The following HMBOX1 variants were observed in gnomAD, a reference collection of about 807,000 sequenced individuals.
HMBOX1 encodes homeobox containing 1.
Under a neutral mutation model 54.5 loss-of-function variants are expected in HMBOX1, and 14 were observed. That is an observed-to-expected ratio of 0.26 (90% confidence interval 0.17 to 0.40). HMBOX1 has a LOEUF of 0.40. Among genes scored for constraint, HMBOX1 ranks in the 10% least tolerant of loss-of-function variants. HMBOX1 has a pLI of 1.00. For missense variants in HMBOX1, 332 were observed against 514.4 expected, an observed-to-expected ratio of 0.65 and a Z score of 3.43; for synonymous variants, 160 against 181.0, an observed-to-expected ratio of 0.88 and a Z score of 0.93.
intron 1 of HMBOX1, among the ~76,000 whole-genome samples, chr8:28,944,221 C>G (rs952571555): frequency 6.6e-6 from 1 of 152,164 alleles, no homozygotes; most frequent in African/African-American, 2.4e-5. Context: ...TCATGAGATT[C>G]GAATACTGCA....
At chr8:29,039,801 T>C (rs1352088744) in intron 6 of HMBOX1, among the ~76,000 whole-genome samples, 1 of 152,166 alleles carries the variant, frequency 6.6e-6, no homozygotes, top group East Asian at 1.9e-4. Context: ...TAATGTAGTG[T>C]GGTCCTAGGG....
intron 6 of HMBOX1, 137 bp from the exon 7 acceptor site, chr8:29,045,224 G>C: frequency 1.4e-6 from 1 of 701,970 alleles, no homozygotes; most frequent in South Asian, 1.7e-5. Context: ...TACTCTCACA[G>C]AACATTCCAT....
chr8:28,960,394 G>C (rs1825245859), intron 1 of HMBOX1, among the ~76,000 whole-genome samples: 1 of 151,262 alleles, frequency 6.6e-6, no homozygotes, highest in Non-Finnish European at 1.5e-5. Context: ...TCCCTAGATT[G>C]TTTGGATTAT....
At chr8:28,908,441 A>G (rs1814751919) in intron 1 of HMBOX1, among the ~76,000 whole-genome samples, 1 of 152,200 alleles carries the variant, frequency 6.6e-6, no homozygotes, top group Non-Finnish European at 1.5e-5. Context: ...AAATGGAAAA[A>G]CAAATGAACA....
At chr8:28,897,653 G>A (rs529664378) in intron 1 of HMBOX1, among the ~76,000 whole-genome samples, 1 of 152,294 alleles carries the variant, frequency 6.6e-6, no homozygotes, top group South Asian at 2.1e-4. Context: ...ACCAGATTGG[G>A]CAACAGAGCG....
upstream of HMBOX1, chr8:28,890,240 T>G: frequency 5.1e-6 from 1 of 195,978 alleles, no homozygotes; most frequent in Non-Finnish European, 1.1e-5. Context: ...CGACTCCCCT[T>G]TCCCTCCTCC....
At position 28,947,949 on chromosome 8, in the gene HMBOX1, G is replaced by A. The variant is rs549527599; in HGVS notation, c.-57-15862G>A. On this transcript the variant is annotated intron_variant, in intron 1 of 9. Transcript: ENST00000287701. ...TTATTTATTTATTTATTTGAGACAG[G>A]GTCTTGCTCCTTTGCCCAGACTGGA... Among the ~76,000 whole-genome samples the A allele has an allele frequency of 4.9e-3, 743 of 151,956 alleles. 5 individuals carry two copies. The highest frequency in any genetic ancestry group is 7.7e-3 in the Non-Finnish European group (524 of 67,972).
intron 5 of HMBOX1, chr8:29,009,465 ATGTT>A (rs75066078): frequency 0.081 from 78,848 of 977,300 alleles, 3,713 homozygotes; most frequent in South Asian, 0.23. Flanking sequence ...AACGCTATGA[ATGTT>A]CAGTGGCTGA....
intron 1 of HMBOX1, among the ~76,000 whole-genome samples, chr8:28,913,407 C>T (rs1340903503): frequency 6.6e-6 from 1 of 152,158 alleles, no homozygotes; most frequent in Non-Finnish European, 1.5e-5. Context: ...GCTGTTCTCT[C>T]TAAGTAGGTG....
chr8:28,972,805 A>G (rs981136454), intron 3 of HMBOX1, among the ~76,000 whole-genome samples: 3 of 152,254 alleles, frequency 2.0e-5, no homozygotes, highest in African/African-American at 7.2e-5. Context: ...TTTTAATTCA[A>G]ATATATGCTC....
chr8:28,901,229 G>A (rs1478850489), intron 1 of HMBOX1, among the ~76,000 whole-genome samples: 1 of 151,720 alleles, frequency 6.6e-6, no homozygotes, highest in Admixed American at 6.6e-5. Flanking sequence ...ATCCCTTTCT[G>A]GCTAATTTAT....
At chr8:28,897,195 T>C (rs573638390) in intron 1 of HMBOX1, among the ~76,000 whole-genome samples, 1 of 152,030 alleles carries the variant, frequency 6.6e-6, no homozygotes, top group Non-Finnish European at 1.5e-5. Context: ...ATGTTGGTCA[T>C]GCTGGTCTCG....
intron 5 of HMBOX1, among the ~76,000 whole-genome samples, chr8:29,014,719 G>A (rs13439785): frequency 0.02 from 2,977 of 151,598 alleles, 95 homozygotes; most frequent in African/African-American, 0.069. Flanking sequence ...TCACTCTGTC[G>A]CCCAGGCTGG....
At position 28,963,833 on chromosome 8, in the gene HMBOX1, C is replaced by A; in HGVS notation, c.-35C>A. On this transcript the variant is annotated 5_prime_UTR_variant, in exon 2 of 10. Transcript: ENST00000287701. ...CAGAATGGTAGATAACGCAGATCAT[C>A]TCTGGAAAGGATATTGATCCGCCTC... 1.3e-6 allele frequency: 2 copies of A among 1,564,146 alleles called. No homozygotes were observed. Among genetic ancestry groups the A allele is most frequent in the Non-Finnish European group, 8.7e-7 (1 of 1,143,414 alleles).
At chr8:29,038,692 G>A (rs746286436) in intron 6 of HMBOX1, among the ~76,000 whole-genome samples, 5 of 152,024 alleles carry the variant, frequency 3.3e-5, no homozygotes, top group Non-Finnish European at 7.4e-5. Context: ...TCCTTTCTAT[G>A]TCCAGGCCTC....
At chr8:28,907,971 G>A (rs1015676837) in intron 1 of HMBOX1, among the ~76,000 whole-genome samples, 5 of 151,470 alleles carry the variant, frequency 3.3e-5, no homozygotes, top group Middle Eastern at 3.2e-3. Flanking sequence ...TTAGCCTCCC[G>A]ATTATCTGGG....
At chr8:29,034,219 A>AG in intron 6 of HMBOX1, among the ~76,000 whole-genome samples, 1 of 152,360 alleles carries the variant, frequency 6.6e-6, no homozygotes, top group Non-Finnish European at 1.5e-5. Flanking sequence ...GTTTAGTGGT[A>AG]GGAGGCATCT....
At chr8:28,960,705 C>G (rs180817928) in intron 1 of HMBOX1, among the ~76,000 whole-genome samples, 2 of 129,004 alleles carry the variant, frequency 1.6e-5, no homozygotes, top group East Asian at 4.6e-4. Context: ...ACTCTTATAT[C>G]TTGGTCATAA....
At chr8:29,036,494 AAAGG>A (rs1803898821) in intron 6 of HMBOX1, among the ~76,000 whole-genome samples, 2 of 152,126 alleles carry the variant, frequency 1.3e-5, no homozygotes, top group South Asian at 4.1e-4. Context: ...ACTCAGGAAA[AAAGG>A]AAGGTCAGTG....
Sources: gnomAD v4.1 joint callset for allele counts (sites outside exome capture counted in the v4.1 genomes callset) on GRCh38, gnomAD v4.1.1 for gene constraint, MANE v1.5 for transcripts, NCBI Gene and HGNC (gene_info 2026-07-23, HGNC 2026-07-21) for gene names.